MAP4K5: variants seen among roughly 807,000 people sequenced by gnomAD.
The protein encoded by MAP4K5 is MAPK/ERK kinase kinase kinase 5.
MAP4K5 carries 82 observed loss-of-function variants against 135.6 expected under a neutral mutation model. The observed-to-expected ratio is 0.60, with a 90% CI of 0.51 to 0.73. The LOEUF is 0.73. MAP4K5 is among the 30% of genes least tolerant of loss of function. The pLI, the probability that MAP4K5 is intolerant of heterozygous loss-of-function variation, is 0.00. For missense variants in MAP4K5, 907 were observed against 1,010.9 expected (o/e 0.90, Z 1.39); for synonymous variants, 347 against 335.0 (o/e 1.04, Z -0.39).
intron 23 of MAP4K5, among the ~76,000 whole-genome samples, chr14:50,439,056 A>G (rs2139689467): frequency 6.6e-6 from 1 of 152,192 alleles, no homozygotes; most frequent in South Asian, 2.1e-4. Context: ...TTACCAAACA[A>G]AAGTAAAAAA....
chr14:50,524,883 T>G (rs547584831), intron 2 of MAP4K5, among the ~76,000 whole-genome samples: 1 of 152,348 alleles, frequency 6.6e-6, no homozygotes, highest in African/African-American at 2.4e-5. Context: ...GAATTCATCT[T>G]CCTCATTGCA....
chr14:50,440,814 G>A (rs1037777565), intron 21 of MAP4K5, among the ~76,000 whole-genome samples: 1 of 152,062 alleles, frequency 6.6e-6, no homozygotes, highest in Non-Finnish European at 1.5e-5. Flanking sequence ...TAGAAATAAT[G>A]AGCACACCTA....
Position 50,428,600 on chromosome 14 carries a change from C to T in MAP4K5, c.2326+62G>A, listed in dbSNP as rs576277238. The T allele has an allele frequency of 1.5e-3, 1,434 of 943,326 alleles. 2 individuals carry two copies. Among genetic ancestry groups the T allele is most frequent in the Non-Finnish European group, 2.0e-3 (1,267 of 634,346 alleles). The allele number at this position is 943,326 out of a possible 1,614,324, so 58.4% of individuals were successfully genotyped here. A position where few individuals can be genotyped will look rare whatever the true frequency, so the allele number is the denominator to read the frequency against. ...GTGCTGGTCTAGACAACCCTAAGTACAGAATGAATTTTAATAATCATTAAG... is the reference window on the plus strand; with the variant it reads ...GTGCTGGTCTAGACAACCCTAAGTATAGAATGAATTTTAATAATCATTAAG... On this transcript the variant is annotated intron_variant, in intron 30 of 32. Transcript: ENST00000682126.
intron 1 of MAP4K5, among the ~76,000 whole-genome samples, chr14:50,546,032 T>G (rs2038627057): frequency 6.6e-6 from 1 of 152,218 alleles, no homozygotes; most frequent in African/African-American, 2.4e-5. Context: ...ACTCACTGTT[T>G]ATGGTACTGC....
chr14:50,505,638 A>G (rs905113212), intron 2 of MAP4K5, among the ~76,000 whole-genome samples: 1 of 152,180 alleles, frequency 6.6e-6, no homozygotes, highest in African/African-American at 2.4e-5. Flanking sequence ...TAGACATACA[A>G]TTGTGAGACC....
chr14:50,437,808 G>T, intron 25 of MAP4K5, 86 bp downstream of exon 25: 1 of 916,096 alleles, frequency 1.1e-6, no homozygotes, highest in Non-Finnish European at 1.7e-6. Flanking sequence ...TTAAGACATA[G>T]TTTTTTACTG....
chr14:50,442,761 G>C lies in MAP4K5; in HGVS notation c.1535C>G (p.Ala512Gly). The change falls in exon 21 of 33, where the codon GCA becomes GGA. Residue 512 changes from alanine to glycine, a missense_variant. Ala to Gly is a moderately conservative substitution (Grantham distance 60, BLOSUM62 0). Transcript: ENST00000682126. ...TGTATCAGGATGTATCCAGGATGTT[G>C]CACAATTAATTTTCAAAGGACAGCC... The part of the protein sequence containing the change: ...FDGCPLKINC[A>G]TSWIHPDTKD... The C allele has an allele frequency of 6.3e-7, 1 of 1,597,620 alleles. No homozygotes were observed. The highest frequency in any genetic ancestry group is 8.5e-7 in the Non-Finnish European group (1 of 1,172,460).
intron 30 of MAP4K5, among the ~76,000 whole-genome samples, chr14:50,428,027 A>C (rs559830780): frequency 6.6e-6 from 1 of 152,376 alleles, no homozygotes; most frequent in East Asian, 1.9e-4. Context: ...AAAGGGAATA[A>C]TGAACAGAAA....
chr14:50,486,913 T>G (rs76958849), intron 3 of MAP4K5, among the ~76,000 whole-genome samples: 4,176 of 152,292 alleles, frequency 0.027, 76 homozygotes, highest in East Asian at 0.068. Flanking sequence ...AGACAGACTC[T>G]GGCTCTAACT....
At chr14:50,494,348 T>C (rs1452107357) in intron 3 of MAP4K5, among the ~76,000 whole-genome samples, 4 of 151,908 alleles carry the variant, frequency 2.6e-5, no homozygotes, top group East Asian at 1.9e-4. Context: ...TTTGTATTTT[T>C]AGTAGAGACG....
intron 2 of MAP4K5, among the ~76,000 whole-genome samples, chr14:50,512,157 T>C (rs556757295): frequency 6.6e-6 from 1 of 152,126 alleles, no homozygotes; most frequent in Non-Finnish European, 1.5e-5. Context: ...GTTGGCTAAA[T>C]GTAATTCTAT....
intron 2 of MAP4K5, among the ~76,000 whole-genome samples, chr14:50,525,193 C>T (rs1199898935): frequency 6.6e-6 from 1 of 152,158 alleles, no homozygotes; most frequent in East Asian, 1.9e-4. Context: ...TACCACCTAC[C>T]AGACACATTC....
intron 17 of MAP4K5, among the ~76,000 whole-genome samples, chr14:50,445,650 AC>A (rs1332381237): frequency 6.6e-6 from 1 of 151,986 alleles, no homozygotes; most frequent in Non-Finnish European, 1.5e-5. Flanking sequence ...GCTCACTGCA[AC>A]CTCCACCTCC....
chr14:50,553,772 T>G (rs562931654), intron 1 of MAP4K5, among the ~76,000 whole-genome samples: 1 of 152,264 alleles, frequency 6.6e-6, no homozygotes, highest in South Asian at 2.1e-4. Context: ...TACTCAGCCA[T>G]AAAACAGAAC....
At chr14:50,473,552 T>C (rs528230228) in intron 9 of MAP4K5, among the ~76,000 whole-genome samples, 48 of 152,136 alleles carry the variant, frequency 3.2e-4, no homozygotes, top group Non-Finnish European at 6.5e-4. Context: ...TTCCTGTTTT[T>C]TTACTTGCCT....
chr14:50,509,238 G>A (rs982792509), intron 2 of MAP4K5, among the ~76,000 whole-genome samples: 1 of 151,884 alleles, frequency 6.6e-6, no homozygotes, highest in Non-Finnish European at 1.5e-5. Flanking sequence ...GTCATGGGGT[G>A]GGGGGCAGGG....
intron 2 of MAP4K5, among the ~76,000 whole-genome samples, chr14:50,539,889 G>T (rs2038539119): frequency 6.6e-6 from 1 of 152,104 alleles, no homozygotes. Context: ...TACTGTAGAA[G>T]AAAGAATCTC....
At chr14:50,527,958 G>C (rs1450404645) in intron 2 of MAP4K5, among the ~76,000 whole-genome samples, 1 of 152,108 alleles carries the variant, frequency 6.6e-6, no homozygotes, top group Non-Finnish European at 1.5e-5. Context: ...TTGTACTACT[G>C]ATTATGAACT....
intron 2 of MAP4K5, among the ~76,000 whole-genome samples, chr14:50,538,049 G>A (rs2038516057): frequency 6.6e-6 from 1 of 152,208 alleles, no homozygotes; most frequent in African/African-American, 2.4e-5. Flanking sequence ...TGGTTTGGCT[G>A]TGTGCCCACC....
Sources: allele counts gnomAD v4.1 joint callset (sites outside exome capture counted in the v4.1 genomes callset), GRCh38; gene constraint gnomAD v4.1.1; transcripts MANE v1.5; gene names NCBI Gene and HGNC (gene_info 2026-07-23, HGNC 2026-07-21).